The following KCNIP1 variants were observed in gnomAD, a reference collection of about 807,000 sequenced individuals.
KCNIP1 encodes A-type potassium channel modulatory protein KCNIP1.
KCNIP1 carries 18 observed loss-of-function variants against 33.0 expected under a neutral mutation model. The ratio of observed to expected loss-of-function variants is 0.55; its 90% confidence interval spans 0.38 to 0.81. The LOEUF (loss-of-function observed/expected upper bound fraction) is 0.81. KCNIP1 is among the 30% of genes least tolerant of loss of function. KCNIP1 has a pLI of 0.00. For missense variants in KCNIP1, 238 were observed against 271.6 expected (o/e 0.88, Z 0.87); for synonymous variants, 93 against 98.3 (o/e 0.95, Z 0.32).
At chr5:170,450,624 C>G (rs1217901026) in intron 1 of KCNIP1, among the ~76,000 whole-genome samples, 1 of 152,196 alleles carries the variant, frequency 6.6e-6, no homozygotes, top group Non-Finnish European at 1.5e-5. Flanking sequence ...ATTCCTGCCC[C>G]TGTAAACCCC....
chr5:170,356,330 G>A (rs144650751), intron 1 of KCNIP1, among the ~76,000 whole-genome samples: 1 of 152,248 alleles, frequency 6.6e-6, no homozygotes, highest in African/African-American at 2.4e-5. Context: ...GTTGGACCAG[G>A]TACCTGCTTG....
intron 1 of KCNIP1, among the ~76,000 whole-genome samples, chr5:170,629,870 T>C (rs1759988388): frequency 6.6e-6 from 1 of 152,218 alleles, no homozygotes; most frequent in Non-Finnish European, 1.5e-5. Flanking sequence ...ACAATGTGAA[T>C]TGTGCAGAAG....
intron 1 of KCNIP1, among the ~76,000 whole-genome samples, chr5:170,689,263 G>A (rs951108373): frequency 3.9e-5 from 6 of 152,202 alleles, no homozygotes; most frequent in Admixed American, 6.5e-5. Context: ...AGATGCATGA[G>A]ACTTGCCCCC....
intron 1 of KCNIP1, among the ~76,000 whole-genome samples, chr5:170,551,698 G>C (rs1165740268): frequency 6.6e-6 from 1 of 151,864 alleles, no homozygotes; most frequent in Non-Finnish European, 1.5e-5. Flanking sequence ...GAGTGTGTAT[G>C]TGTGGCGTGT....
At chr5:170,605,670 A>G (rs769766398) in intron 1 of KCNIP1, among the ~76,000 whole-genome samples, 4 of 151,772 alleles carry the variant, frequency 2.6e-5, no homozygotes, top group African/African-American at 7.3e-5. Flanking sequence ...ATTTAAAGGC[A>G]TCGTGCAATA....
intron 4 of KCNIP1, among the ~76,000 whole-genome samples, chr5:170,722,144 T>G (rs969612072): frequency 2.6e-5 from 4 of 152,220 alleles, no homozygotes; most frequent in Admixed American, 1.3e-4. Context: ...CCGGGCACAC[T>G]GCTTCCCAGT....
chr5:170,457,635 G>C (rs554409682), intron 1 of KCNIP1, among the ~76,000 whole-genome samples: 1 of 152,274 alleles, frequency 6.6e-6, no homozygotes, highest in Non-Finnish European at 1.5e-5. Context: ...ACATCCCTAG[G>C]AAAAGGGGGA....
intron 1 of KCNIP1, among the ~76,000 whole-genome samples, chr5:170,543,668 G>A (rs144134455): frequency 2.6e-5 from 4 of 152,260 alleles, no homozygotes; most frequent in South Asian, 4.1e-4. Context: ...TCTTCCAATC[G>A]TTAGAAGATA....
chr5:170,616,201 G>T (rs1759361219), intron 1 of KCNIP1, among the ~76,000 whole-genome samples: 1 of 152,226 alleles, frequency 6.6e-6, no homozygotes, highest in Non-Finnish European at 1.5e-5. Context: ...TTATTCCATA[G>T]GGTAGTTTTG....
chr5:170,637,941 G>C (rs757434736), intron 1 of KCNIP1, among the ~76,000 whole-genome samples: 1 of 151,644 alleles, frequency 6.6e-6, no homozygotes, highest in African/African-American at 2.4e-5. Flanking sequence ...ATAAAGTGGT[G>C]TGGGGACTCC....
At chr5:170,433,681 T>C (rs1020789351) in intron 1 of KCNIP1, among the ~76,000 whole-genome samples, 2 of 152,204 alleles carry the variant, frequency 1.3e-5, no homozygotes, top group African/African-American at 4.8e-5. Flanking sequence ...TCCAGATCAT[T>C]TGGTAGCCAA....
chr5:170,623,250 G>T (rs1404039857), intron 1 of KCNIP1, among the ~76,000 whole-genome samples: 1 of 149,916 alleles, frequency 6.7e-6, no homozygotes, highest in Non-Finnish European at 1.5e-5. Flanking sequence ...TTTCGCTCTT[G>T]TTGCCCAGGC....
chr5:170,400,498 T>C (rs1435504751), intron 1 of KCNIP1, among the ~76,000 whole-genome samples: 3 of 152,212 alleles, frequency 2.0e-5, no homozygotes, highest in Admixed American at 2.0e-4. Context: ...CACCTGGGTA[T>C]TACAATTCAA....
At chr5:170,393,093 T>C (rs1173714158) in intron 1 of KCNIP1, among the ~76,000 whole-genome samples, 2 of 152,178 alleles carry the variant, frequency 1.3e-5, no homozygotes, top group African/African-American at 4.8e-5. Flanking sequence ...TAGCGTGTGA[T>C]GTGATGGAGC....
At chr5:170,369,235 T>C (rs1198777597) in intron 1 of KCNIP1, among the ~76,000 whole-genome samples, 1 of 152,196 alleles carries the variant, frequency 6.6e-6, no homozygotes, top group African/African-American at 2.4e-5. Flanking sequence ...AGATTCTTCA[T>C]CAGTAAAATG....
At chr5:170,421,181 G>A (rs1755481273) in intron 1 of KCNIP1, among the ~76,000 whole-genome samples, 1 of 152,198 alleles carries the variant, frequency 6.6e-6, no homozygotes, top group Admixed American at 6.5e-5. Flanking sequence ...GCAAACTCAA[G>A]TCACTTATGA....
intron 1 of KCNIP1, among the ~76,000 whole-genome samples, chr5:170,612,291 G>C (rs1171305216): frequency 3.3e-5 from 5 of 152,208 alleles, no homozygotes; most frequent in Non-Finnish European, 4.4e-5. Context: ...CACATGCCTT[G>C]GTTTCCAGGG....
At position 170,390,517 on chromosome 5, in the gene KCNIP1, A is replaced by AAAAAAAAAAAAAAAAAATATATATAT; in HGVS notation, c.88+36554_88+36555insAAAAAAAAAAAAAAAATATATATATA. ...GACCCCGTCTCAAAAAAAAAAAACA[A>AAAAAAAAAAAAAAAAAATATATATAT]ATATATATATATATATATATATTTT... On this transcript the variant is annotated intron_variant, in intron 1 of 7. Coordinates refer to the KCNIP1 transcript ENST00000377360. Among the ~76,000 whole-genome samples the AAAAAAAAAAAAAAAAAATATATATAT allele has an allele frequency of 1.6e-4, 12 of 74,528 alleles. 1 individual carries two copies. Among genetic ancestry groups the AAAAAAAAAAAAAAAAAATATATATAT allele is most frequent in the African/African-American group, 6.4e-4 (10 of 15,608 alleles). The allele number at this position is 74,528 out of a possible 152,430, so 48.9% of individuals were successfully genotyped here.
chr5:170,394,842 T>C (rs1056653798), intron 1 of KCNIP1, among the ~76,000 whole-genome samples: 11 of 152,202 alleles, frequency 7.2e-5, no homozygotes, highest in African/African-American at 2.4e-4. Context: ...AGTGAGAACA[T>C]GTGATATTTG....
Sources: allele counts gnomAD v4.1 joint callset (sites outside exome capture counted in the v4.1 genomes callset), GRCh38; gene constraint gnomAD v4.1.1; transcripts MANE v1.5; gene names NCBI Gene and HGNC (gene_info 2026-07-23, HGNC 2026-07-21).